The following CPNE2 variants were observed in gnomAD, a reference collection of about 807,000 sequenced individuals.
CPNE2 encodes the protein copine 2, also known as copine-2.
CPNE2 carries 42 observed loss-of-function variants against 69.7 expected under a neutral mutation model. The observed-to-expected ratio is 0.60, with a 90% confidence interval of 0.47 to 0.78. The LOEUF (loss-of-function observed/expected upper bound fraction) is 0.78, where lower values mean the gene tolerates loss of function less well. Ranked by LOEUF, CPNE2 falls within the 30% of genes least tolerant of loss-of-function variation. The pLI, the probability that CPNE2 is intolerant of heterozygous loss-of-function variation, is 0.00. For missense variants in CPNE2, 587 were observed against 732.0 expected (o/e 0.80, Z 2.29); for synonymous variants, 294 against 289.8 (o/e 1.01, Z -0.15).
chr16:57,103,031 G>A (rs2069625327), intron 1 of CPNE2, among the ~76,000 whole-genome samples: 1 of 152,082 alleles, frequency 6.6e-6, no homozygotes, highest in South Asian at 2.1e-4. Context: ...TCACATAATG[G>A]GTTCCTAACT....
intron 2 of CPNE2, among the ~76,000 whole-genome samples, chr16:57,111,693 G>A (rs2069682929): frequency 6.6e-6 from 1 of 152,138 alleles, no homozygotes; most frequent in South Asian, 2.1e-4. Flanking sequence ...CTCCTCATCT[G>A]TGAAATTATT....
chr16:57,106,208 C>T (rs1299519562), intron 1 of CPNE2: 7 of 152,712 alleles, frequency 4.6e-5, no homozygotes, highest in Admixed American at 6.5e-5. Flanking sequence ...GCCCCTGGCT[C>T]GGGGAGGAGT....
intron 11 of CPNE2, 40 bp from the exon 12 acceptor site, chr16:57,127,809 C>T: frequency 6.2e-7 from 1 of 1,608,700 alleles, no homozygotes; most frequent in Non-Finnish European, 8.5e-7. Flanking sequence ...GTGGTGTCCT[C>T]AGGTGTCTTA....
At chr16:57,133,505 C>T (rs1172255534) in intron 12 of CPNE2, among the ~76,000 whole-genome samples, 6 of 152,104 alleles carry the variant, frequency 3.9e-5, no homozygotes, top group African/African-American at 1.4e-4. Flanking sequence ...TTTTCTGGGC[C>T]TCGGTTTGTT....
intron 1 of CPNE2, among the ~76,000 whole-genome samples, chr16:57,103,507 C>T (rs1411644832): frequency 2.0e-5 from 3 of 152,224 alleles, no homozygotes; most frequent in African/African-American, 7.2e-5. Context: ...GACAGGACAT[C>T]CCACTGTGGT....
intron 13 of CPNE2, among the ~76,000 whole-genome samples, chr16:57,135,694 T>C (rs1184879881): frequency 1.3e-5 from 2 of 150,742 alleles, no homozygotes; most frequent in Non-Finnish European, 3.0e-5. Context: ...GCCAAGATTG[T>C]GAAACCCCGT....
Position 57,110,935 on chromosome 16 carries a change from C to CGT in CPNE2, c.180+18_180+19dup. 6.2e-7 allele frequency: 1 copy of CGT among 1,605,522 alleles called. No homozygotes were observed. Among genetic ancestry groups the CGT allele is most frequent in the Non-Finnish European group, 8.5e-7 (1 of 1,175,316 alleles). On this transcript the variant is annotated intron_variant, in intron 2 of 15. Coordinates refer to ENST00000290776, the MANE Select transcript of CPNE2 (RefSeq NM_152727.6). ...CAGATGGATCGAGGTGAGGCTCTTC[C>CGT]GTGTGTCTGCGGTGGGTAAGGGGGT...
intron 9 of CPNE2, among the ~76,000 whole-genome samples, chr16:57,123,137 G>GTGT (rs2145261194): frequency 6.6e-6 from 1 of 152,290 alleles, no homozygotes; most frequent in South Asian, 2.1e-4. Flanking sequence ...CTCTGTGTCA[G>GTGT]GTAACTGACA....
chr16:57,146,118 G>T lies in CPNE2; in HGVS notation c.1336G>T (p.Val446Phe), dbSNP rs1299066156. The T allele has an allele frequency of 6.2e-7, 1 of 1,601,920 alleles. No homozygotes were observed. The highest frequency in any genetic ancestry group is 2.3e-5 in the East Asian group (1 of 44,374). Residue 446 changes from valine (V) to phenylalanine (F), a missense_variant, in exon 15 of 16, where the codon GTC (valine) becomes TTC (phenylalanine). Val to Phe is a conservative substitution (Grantham distance 50). This residue lies in a region of CPNE2 where 185 missense variants were observed against 252.3 expected (regional missense o/e 0.73). Transcript: ENST00000290776. This position sits in a 1 kb window ranked among gnomAD's most constrained non-coding sequence, Gnocchi z 4.4. ...CATCCTCCTCATCATCACGGACGGGGTCATCAGTGACATGGAGGAGACACG... is the reference window on the plus strand; with the variant it reads ...CATCCTCCTCATCATCACGGACGGGTTCATCAGTGACATGGAGGAGACACG... The part of the protein sequence containing the change: ...YFILLIITDG[V>F]ISDMEETRHA...
At chr16:57,132,812 ACT>A (rs1375030517) in intron 12 of CPNE2, among the ~76,000 whole-genome samples, 2 of 151,500 alleles carry the variant, frequency 1.3e-5, no homozygotes, top group Non-Finnish European at 2.9e-5. Context: ...TGGGAACCTC[ACT>A]CTTTCCAGCT....
intron 12 of CPNE2, among the ~76,000 whole-genome samples, chr16:57,128,330 A>G (rs2145267528): frequency 6.6e-6 from 1 of 152,194 alleles, no homozygotes; most frequent in African/African-American, 2.4e-5. Flanking sequence ...CCCAGGTTCA[A>G]ACAATTCTCC....
intron 5 of CPNE2, among the ~76,000 whole-genome samples, chr16:57,118,150 T>C (rs2069733675): frequency 6.6e-6 from 1 of 150,996 alleles, no homozygotes; most frequent in Non-Finnish European, 1.5e-5. Flanking sequence ...ACTATTACTG[T>C]CTAGCATACT....
intron 3 of CPNE2, 49 bp from the exon 4 acceptor site, chr16:57,115,427 G>T (rs1183752687): frequency 4.1e-6 from 6 of 1,471,310 alleles, no homozygotes; most frequent in Non-Finnish European, 5.7e-6. Flanking sequence ...TTTCCTTCCC[G>T]GGCTTCCCCC....
chr16:57,129,645 C>T (rs1213841449), intron 12 of CPNE2, among the ~76,000 whole-genome samples: 2 of 152,148 alleles, frequency 1.3e-5, no homozygotes, highest in East Asian at 3.9e-4. Flanking sequence ...ATGGCAAAAC[C>T]CCGTCTCTAC....
intron 10 of CPNE2, 42 bp from the exon 11 acceptor site, chr16:57,125,818 G>A (rs1279741317): frequency 1.6e-5 from 25 of 1,612,340 alleles, no homozygotes; most frequent in Non-Finnish European, 2.1e-5. Context: ...AGGGTGCTGG[G>A]GTCTCTGGCC....
rs1218886382 is a variant in CPNE2 at position 57,129,827 on chromosome 16, AG to A, written c.1116+1925del. Reference sequence around the variant, plus strand: ...GAGTGAGACCCTGTTACAAAAAAAAAGATAAGTGGTTGATGGGTCAATGGGT... The same window carrying A: ...GAGTGAGACCCTGTTACAAAAAAAAAATAAGTGGTTGATGGGTCAATGGGT... On this transcript the variant is annotated intron_variant, in intron 12 of 15. Coordinates refer to ENST00000290776, the MANE Select transcript of CPNE2 (RefSeq NM_152727.6). Among the ~76,000 whole-genome samples, 5 of 151,936 alleles carry A rather than the reference AG, an allele frequency of 3.3e-5. No individual in the cohort carries two copies. In the South Asian group the frequency reaches 1.0e-3, roughly 32 times the overall value.
chr16:57,108,456 C>T (rs2069661153), intron 1 of CPNE2, among the ~76,000 whole-genome samples: 1 of 152,178 alleles, frequency 6.6e-6, no homozygotes, highest in Non-Finnish European at 1.5e-5. Context: ...GTCAGTAAAC[C>T]ACTTAGCCTC....
At chr16:57,114,570 C>T (rs79507591) in intron 3 of CPNE2, among the ~76,000 whole-genome samples, 4,483 of 152,258 alleles carry the variant, frequency 0.029, 166 homozygotes, top group East Asian at 0.2. Flanking sequence ...GTGTGTGGAT[C>T]TGCGGAGAAG....
chr16:57,130,026 A>G lies in CPNE2; in HGVS notation c.1116+2123A>G, dbSNP rs1332888093. Among the ~76,000 whole-genome samples, 1 of 151,808 alleles carries G rather than the reference A, an allele frequency of 6.6e-6. No individual in the cohort carries two copies. The highest frequency in any genetic ancestry group is 2.4e-5 in the African/African-American group (1 of 41,294). ...TGCTTTGGGAGGCCAAGGCAGGAGG[A>G]TTGCTTGAGCCAGGAGTTCAAGACC... On this transcript the variant is annotated intron_variant, in intron 12 of 15. Coordinates refer to ENST00000290776, the MANE Select transcript of CPNE2 (RefSeq NM_152727.6). The surrounding 1 kb of genome is among the most constrained non-coding windows in gnomAD (Gnocchi z 4.1).
Sources: allele counts gnomAD v4.1 joint callset (sites outside exome capture counted in the v4.1 genomes callset), GRCh38; gene constraint gnomAD v4.1.1; regional missense constraint gnomAD v4.1.1; non-coding constraint Gnocchi (gnomAD v3.1); transcripts MANE v1.5; gene names NCBI Gene and HGNC (gene_info 2026-07-23, HGNC 2026-07-21).